NAV2: variants seen among roughly 807,000 people sequenced by gnomAD.
NAV2 encodes neuron navigator 2, also known as helicase, APC down-regulated 1.
Under a neutral mutation model 223.2 loss-of-function variants are expected in NAV2, and 54 were observed. That is an observed-to-expected ratio of 0.24 (90% confidence interval 0.19 to 0.30). The LOEUF (loss-of-function observed/expected upper bound fraction) is 0.30. Ranked by LOEUF, NAV2 falls within the 10% of genes least tolerant of loss-of-function variation. The pLI, the probability that NAV2 is intolerant of heterozygous loss-of-function variation, is 1.00. For missense variants in NAV2, 2,806 were observed against 3,147.5 expected, an observed-to-expected ratio of 0.89 and a Z score of 2.60; for synonymous variants, 1,279 against 1,239.3, an observed-to-expected ratio of 1.03 and a Z score of -0.67.
chr11:19,909,408 G>A (rs1006040581), intron 6 of NAV2, among the ~76,000 whole-genome samples: 3 of 152,204 alleles, frequency 2.0e-5, no homozygotes, highest in Non-Finnish European at 2.9e-5. Context: ...TAGATAGAAG[G>A]CCTTTGGTGC....
At chr11:19,968,539 G>T (rs923690217) in intron 10 of NAV2, among the ~76,000 whole-genome samples, 3 of 152,140 alleles carry the variant, frequency 2.0e-5, no homozygotes, top group Non-Finnish European at 2.9e-5. Flanking sequence ...GGTCTTTAAA[G>T]TGTAAACATG....
At chr11:19,733,922 A>T (rs1056598223) in intron 1 of NAV2, among the ~76,000 whole-genome samples, 1 of 152,192 alleles carries the variant, frequency 6.6e-6, no homozygotes, top group African/African-American at 2.4e-5. Flanking sequence ...GCCAGATACT[A>T]GTCTAAGAAT....
intron 1 of NAV2, among the ~76,000 whole-genome samples, chr11:19,765,697 G>T (rs1423286145): frequency 2.6e-5 from 4 of 152,070 alleles, no homozygotes; most frequent in Non-Finnish European, 5.9e-5. Context: ...CTGGCTGTTT[G>T]GGGGCACACT....
intron 1 of NAV2, among the ~76,000 whole-genome samples, chr11:19,726,195 T>C (rs553079877): frequency 1.8e-4 from 27 of 152,358 alleles, no homozygotes; most frequent in African/African-American, 6.3e-4. Flanking sequence ...TTATTTCATT[T>C]CTTAAAAACA....
At chr11:19,843,043 A>T in intron 3 of NAV2, 120 bp downstream of exon 3, 1 of 763,692 alleles carries the variant, frequency 1.3e-6, no homozygotes, top group South Asian at 2.0e-5. Context: ...TATATTAATA[A>T]ACTCACAGCT....
chr11:20,075,217 G>GT (rs1386079912), intron 22 of NAV2, among the ~76,000 whole-genome samples: 5 of 100,662 alleles, frequency 5.0e-5, no homozygotes, highest in African/African-American at 2.3e-4. Context: ...TTGTTTTTTT[G>GT]TTTTGTTTTT....
chr11:19,453,165 C>G (rs1430285586), intron 1 of NAV2, among the ~76,000 whole-genome samples: 1 of 152,174 alleles, frequency 6.6e-6, no homozygotes, highest in Non-Finnish European at 1.5e-5. Flanking sequence ...TCTGAGTTCC[C>G]CTCTCAATTT....
chr11:20,048,992 C>CAGCTCCTCCGCAGTT lies in NAV2; in HGVS notation c.4171_4185dup (p.Ser1391_Ser1395dup). 1 of 1,614,208 alleles carries CAGCTCCTCCGCAGTT rather than the reference C, an allele frequency of 6.2e-7. No individual in the cohort carries two copies. The highest frequency in any genetic ancestry group is 8.5e-7 in the Non-Finnish European group (1 of 1,180,028). On this transcript the variant is annotated inframe_insertion, in exon 15 of 38. Coordinates refer to ENST00000349880, the MANE Select transcript of NAV2 (RefSeq NM_145117.5). ...GCCTCACCTGGGGCACCAACGCCAG[C>CAGCTCCTCCGCAGTT]AGCTCCTCCGCAGTTAGCAAGGATG...
intron 1 of NAV2, among the ~76,000 whole-genome samples, chr11:19,482,482 G>A (rs2042310280): frequency 6.6e-6 from 1 of 152,216 alleles, no homozygotes; most frequent in African/African-American, 2.4e-5. Context: ...CACGAGTCAA[G>A]CCGGGGCTGA....
At chr11:19,777,040 C>A (rs1344052141) in intron 1 of NAV2, among the ~76,000 whole-genome samples, 1 of 151,812 alleles carries the variant, frequency 6.6e-6, no homozygotes, top group Non-Finnish European at 1.5e-5. Flanking sequence ...CGCCGGGTGC[C>A]ACGCGGGGCG....
chr11:19,741,235 C>T (rs192242509), intron 1 of NAV2, among the ~76,000 whole-genome samples: 1 of 151,992 alleles, frequency 6.6e-6, no homozygotes, highest in East Asian at 1.9e-4. Context: ...TTTCATATGT[C>T]CATCATCTCA....
intron 1 of NAV2, among the ~76,000 whole-genome samples, chr11:19,602,340 G>C (rs957847249): frequency 6.6e-6 from 1 of 151,954 alleles, no homozygotes; most frequent in Non-Finnish European, 1.5e-5. Flanking sequence ...ACCATGCCCG[G>C]CTAATTTTTG....
chr11:19,385,622 A>AT (rs1345701122), intron 1 of NAV2, among the ~76,000 whole-genome samples: 1 of 152,218 alleles, frequency 6.6e-6, no homozygotes, highest in Non-Finnish European at 1.5e-5. Context: ...GAAAGAGATG[A>AT]TTTTTAACCT....
chr11:19,769,842 G>T (rs959765015), intron 1 of NAV2, among the ~76,000 whole-genome samples: 4 of 152,046 alleles, frequency 2.6e-5, no homozygotes, highest in Non-Finnish European at 4.4e-5. Flanking sequence ...CAGCAAAAGG[G>T]TTATTAGGGA....
At chr11:19,734,977 C>T (rs2152431664) in intron 1 of NAV2, among the ~76,000 whole-genome samples, 1 of 152,300 alleles carries the variant, frequency 6.6e-6, no homozygotes, top group Non-Finnish European at 1.5e-5. Context: ...AGAGTTGGAG[C>T]CAAGCCTCAG....
intron 5 of NAV2, among the ~76,000 whole-genome samples, chr11:19,886,414 G>A (rs2153111257): frequency 6.6e-6 from 1 of 152,324 alleles, no homozygotes; most frequent in Admixed American, 6.5e-5. Flanking sequence ...ACTCGGTGGA[G>A]GAGGACAATA....
intron 11 of NAV2, among the ~76,000 whole-genome samples, chr11:20,018,725 T>A (rs527627958): frequency 6.6e-6 from 1 of 152,178 alleles, no homozygotes; most frequent in South Asian, 2.1e-4. Context: ...AGGAGCTCCC[T>A]GTGTTGAGGG....
chr11:19,950,916 A>G (rs1386216361), intron 10 of NAV2, among the ~76,000 whole-genome samples: 2 of 152,214 alleles, frequency 1.3e-5, no homozygotes, highest in Non-Finnish European at 2.9e-5. Flanking sequence ...ATCTAATGCT[A>G]GCAGATGGAG....
At chr11:19,363,093 C>T (rs568401305) in intron 1 of NAV2, among the ~76,000 whole-genome samples, 4 of 152,222 alleles carry the variant, frequency 2.6e-5, no homozygotes. Context: ...CAACCCATCA[C>T]CTACATGAGG....
Sources: allele counts gnomAD v4.1 joint callset (sites outside exome capture counted in the v4.1 genomes callset), GRCh38; gene constraint gnomAD v4.1.1; transcripts MANE v1.5; gene names NCBI Gene and HGNC (gene_info 2026-07-23, HGNC 2026-07-21).